The following KCNAB2 variants were observed in gnomAD, a reference collection of about 807,000 sequenced individuals.
KCNAB2 encodes voltage-gated potassium channel subunit beta-2.
Under a neutral mutation model 63.6 loss-of-function variants are expected in KCNAB2, and 29 were observed. That is an observed-to-expected ratio of 0.46 (90% CI 0.34 to 0.62). The LOEUF is 0.62. Among genes scored for constraint, KCNAB2 ranks in the 20% least tolerant of loss-of-function variants. The probability of loss-of-function intolerance (pLI) is 0.01; values close to 1 mark genes in which losing one functional copy is unlikely to be tolerated. For missense variants in KCNAB2, 359 were observed against 563.9 expected, an observed-to-expected ratio of 0.64 and a Z score of 3.68; for synonymous variants, 222 against 224.2, an observed-to-expected ratio of 0.99 and a Z score of 0.09.
intron 1 of KCNAB2, among the ~76,000 whole-genome samples, chr1:6,048,151 G>A (rs551533368): frequency 2.0e-5 from 3 of 152,336 alleles, no homozygotes; most frequent in African/African-American, 7.2e-5. Context: ...TCACATCTGT[G>A]TTCTCTTCCC....
At chr1:6,029,106 C>T (rs796863347) in intron 1 of KCNAB2, among the ~76,000 whole-genome samples, 3 of 152,110 alleles carry the variant, frequency 2.0e-5, no homozygotes, top group African/African-American at 7.2e-5. Context: ...ATGGTGAAAC[C>T]CTGTCTCTAC....
At chr1:6,033,913 G>A (rs892016164), upstream of KCNAB2, among the ~76,000 whole-genome samples, 1 of 152,194 alleles carries the variant, frequency 6.6e-6, no homozygotes, top group Non-Finnish European at 1.5e-5. Flanking sequence ...CAGGTCACAC[G>A]CAGACCAAGT....
chr1:6,007,334 A>G (rs1011741952), intron 1 of KCNAB2: 3 of 152,238 alleles, frequency 2.0e-5, no homozygotes, highest in Non-Finnish European at 2.9e-5. Flanking sequence ...ATGTAAAGCA[A>G]TGATCTCTCT....
intron 1 of KCNAB2, among the ~76,000 whole-genome samples, chr1:6,010,069 G>T (rs1181166558): frequency 6.6e-6 from 1 of 151,774 alleles, no homozygotes; most frequent in South Asian, 2.1e-4. Flanking sequence ...AGGGGTTTCG[G>T]TTTCACCACG....
In KCNAB2 at chr1:6,096,959, G is replaced by A. The variant is rs1164275992; in HGVS notation, c.1069+203G>A. On this transcript the variant is annotated intron_variant, in intron 14 of 15. Coordinates refer to ENST00000378083, the MANE Select transcript of KCNAB2 (RefSeq NM_001199862.2). The surrounding 1 kb of genome is among the most constrained non-coding windows in gnomAD (Gnocchi z 5.9). ...CCCCATGCCTCTAGGGGGATGTCAG[G>A]AGTCCCTGAGGACCTGGGCCACCCC... Among the ~76,000 whole-genome samples the A allele has an allele frequency of 6.6e-6, 1 of 152,168 alleles. No homozygotes were observed. The highest frequency in any genetic ancestry group is 1.5e-5 in the Non-Finnish European group (1 of 68,018).
At position 6,097,259 on chromosome 1, in the gene KCNAB2, G is replaced by A. The variant is rs200672369; in HGVS notation, c.1070-10G>A. 99 of 1,535,514 alleles carry A rather than the reference G, an allele frequency of 6.4e-5. No individual in the cohort carries two copies. Among genetic ancestry groups the A allele is most frequent in the African/African-American group, 5.3e-4 (39 of 72,982 alleles). On this transcript the variant is annotated splice_polypyrimidine_tract_variant and intron_variant, in intron 14 of 15. Coordinates refer to ENST00000378083, the MANE Select transcript of KCNAB2 (RefSeq NM_001199862.2). The stretch of plus-strand genomic sequence containing the variant: ...GTGTTTCTCCCTCACCTTGGGTCTC[G>A]CCGCCACAGCCTGGTGCCTGAGGAA...
Position 6,072,244 on chromosome 1 carries a change from C to T in KCNAB2, c.219-511C>T, listed in dbSNP as rs561594017. 1.2e-3 allele frequency among the ~76,000 whole-genome samples: 187 copies of T among 152,314 alleles called. 2 individuals carry two copies. Among genetic ancestry groups the T allele is most frequent in the African/African-American group, 4.3e-3 (177 of 41,560 alleles). On this transcript the variant is annotated intron_variant, in intron 2 of 15. Coordinates refer to ENST00000378083, the MANE Select transcript of KCNAB2 (RefSeq NM_001199862.2). ...AGGGCTGGCCTTGCTTGAGAACTGG[C>T]AGCCCTACCATGGAGCTCCCCGCAC...
At chr1:6,030,042 T>G (rs1292605643), upstream of KCNAB2, among the ~76,000 whole-genome samples, 1 of 152,246 alleles carries the variant, frequency 6.6e-6, no homozygotes, top group Non-Finnish European at 1.5e-5. Flanking sequence ...TAATGTCTTT[T>G]GCAGAAACTG....
At chr1:6,040,779 G>A in intron 2 of KCNAB2, 1 of 610,702 alleles carries the variant, frequency 1.6e-6, no homozygotes, top group African/African-American at 1.9e-5. Context: ...GCCTTCCACG[G>A]GGTTTTGAGG....
In KCNAB2 at chr1:6,073,116, G is replaced by T. The variant is rs918932653; in HGVS notation, c.262+318G>T. Reference sequence around the variant, plus strand: ...GCCCTTAGGGCCCCGGGAGTGCAACGAAGACACCTTACCTTCCAAGGCAGG... The same window carrying T: ...GCCCTTAGGGCCCCGGGAGTGCAACTAAGACACCTTACCTTCCAAGGCAGG... On this transcript the variant is annotated intron_variant, in intron 3 of 15. Coordinates refer to ENST00000378083, the MANE Select transcript of KCNAB2 (RefSeq NM_001199862.2). The surrounding 1 kb of genome is among the most constrained non-coding windows in gnomAD (Gnocchi z 5.7). Among the ~76,000 whole-genome samples, 15 of 152,098 alleles carry T rather than the reference G, an allele frequency of 9.9e-5. No individual in the cohort carries two copies. Among genetic ancestry groups the T allele is most frequent in the African/African-American group, 3.4e-4 (14 of 41,392 alleles).
At chr1:6,045,821 G>A, upstream of KCNAB2, 3 of 839,348 alleles carry the variant, frequency 3.6e-6, no homozygotes, top group Non-Finnish European at 4.3e-6. This position sits in a 1 kb window ranked among gnomAD's most constrained non-coding sequence, Gnocchi z 4.8. Flanking sequence ...AGGCAGCAAG[G>A]GTAGGCCTGA....
intron 9 of KCNAB2, among the ~76,000 whole-genome samples, chr1:6,090,938 C>A (rs1665137261): frequency 6.6e-6 from 1 of 152,184 alleles, no homozygotes; most frequent in Admixed American, 6.5e-5. Context: ...CTTTGAAAAT[C>A]GGTTTTGGTT....
Position 6,024,097 on chromosome 1 carries a change from A to G in KCNAB2, c.-52-16420A>G, listed in dbSNP as rs1659003338. ...GCTGGGATTACAGGCGCCCACCACCATGTCCAGCTAATTTTTGTATTTTTA... is the reference window on the plus strand; with the variant it reads ...GCTGGGATTACAGGCGCCCACCACCGTGTCCAGCTAATTTTTGTATTTTTA... On this transcript the variant is annotated intron_variant, in intron 1 of 16. Transcript: ENST00000341524. The surrounding 1 kb of genome is among the most constrained non-coding windows in gnomAD (Gnocchi z 5.4). Among the ~76,000 whole-genome samples the G allele has an allele frequency of 6.6e-6, 1 of 152,000 alleles. No homozygotes were observed. The highest frequency in any genetic ancestry group is 2.4e-5 in the African/African-American group (1 of 41,352).
intron 1 of KCNAB2, among the ~76,000 whole-genome samples, chr1:6,026,862 C>G (rs1486075433): frequency 6.6e-6 from 1 of 152,148 alleles, no homozygotes; most frequent in Non-Finnish European, 1.5e-5. Flanking sequence ...AGAGCCCTGC[C>G]CATCTTGTCT....
intron 9 of KCNAB2, 142 bp from the exon 10 acceptor site, chr1:6,091,121 G>A: frequency 2.9e-6 from 2 of 692,266 alleles, no homozygotes; most frequent in East Asian, 2.7e-5. Flanking sequence ...ACGTGCGTGT[G>A]TTGATATATT....
rs1663417858 is a variant in KCNAB2, at chr1:6,073,674, G to A, written c.263-59G>A. On this transcript the variant is annotated intron_variant, in intron 3 of 15. Transcript: ENST00000378083. This position sits in a 1 kb window ranked among gnomAD's most constrained non-coding sequence, Gnocchi z 5.7. The stretch of plus-strand genomic sequence containing the variant: ...CCCTACAGCCTGAGGTCTGAGCACC[G>A]ACGGGATAATCTGGCTTCCTGCCAG... 7.7e-6 allele frequency: 12 copies of A among 1,561,210 alleles called. No individual in the cohort carries two copies. Among genetic ancestry groups the A allele is most frequent in the Middle Eastern group, 3.4e-4 (2 of 5,936 alleles).
chr1:6,069,788 C>G lies in KCNAB2; in HGVS notation c.219-2967C>G, dbSNP rs181477268. ...GAGGCCTGGCAGCGGATGGCAGAAC[C>G]AATACCATCATTTTCACAGGGAAAC... On this transcript the variant is annotated intron_variant, in intron 2 of 15. Transcript: ENST00000378083. This position sits in a 1 kb window ranked among gnomAD's most constrained non-coding sequence, Gnocchi z 5.4. Among the ~76,000 whole-genome samples the G allele has an allele frequency of 6.6e-6, 1 of 152,340 alleles. No homozygotes were observed. Among genetic ancestry groups the G allele is most frequent in the Non-Finnish European group, 1.5e-5 (1 of 68,038 alleles).
At chr1:6,030,726 TTA>T (rs1313025660), upstream of KCNAB2, among the ~76,000 whole-genome samples, 2 of 149,026 alleles carry the variant, frequency 1.3e-5, no homozygotes, top group Non-Finnish European at 3.0e-5. Flanking sequence ...ATGTGTATGT[TTA>T]TGTGTGTTTA....
At position 6,072,752 on chromosome 1, in the gene KCNAB2, C is replaced by T. The variant is rs756678762; in HGVS notation, c.219-3C>T. 1 of 1,613,840 alleles carries T rather than the reference C, an allele frequency of 6.2e-7. No individual in the cohort carries two copies. The highest frequency in any genetic ancestry group is 8.5e-7 in the Non-Finnish European group (1 of 1,179,832). On this transcript the variant is annotated splice_region_variant and splice_polypyrimidine_tract_variant and intron_variant, in intron 2 of 15. Coordinates refer to ENST00000378083, the MANE Select transcript of KCNAB2 (RefSeq NM_001199862.2). ...GAGAACTCACGTGGCGTTTGTTTTTCAGGAACCTGGGCAAGTCTGGCCTGC... is the reference window on the plus strand; with the variant it reads ...GAGAACTCACGTGGCGTTTGTTTTTTAGGAACCTGGGCAAGTCTGGCCTGC...
Sources: allele counts gnomAD v4.1 joint callset (sites outside exome capture counted in the v4.1 genomes callset), GRCh38; gene constraint gnomAD v4.1.1; non-coding constraint Gnocchi (gnomAD v3.1); transcripts MANE v1.5; gene names NCBI Gene and HGNC (gene_info 2026-07-23, HGNC 2026-07-21).